Variants in ARHGAP5 observed in about 807,000 individuals in gnomAD.
ARHGAP5 encodes the protein Rho GTPase activating protein 5.
ARHGAP5 carries 23 observed loss-of-function variants against 116.6 expected under a neutral mutation model. The observed-to-expected ratio is 0.20, with a 90% CI of 0.14 to 0.28. ARHGAP5 has a LOEUF of 0.28. Among genes scored for constraint, ARHGAP5 ranks in the 10% least tolerant of loss-of-function variants. ARHGAP5 has a pLI of 1.00. For synonymous variants in ARHGAP5, 574 were observed against 602.0 expected, an observed-to-expected ratio of 0.95 and a Z score of 0.68; for missense variants, 1,405 against 1,774.8, an observed-to-expected ratio of 0.79 and a Z score of 3.74.
Position 32,154,988 on chromosome 14 carries a change from G to A in ARHGAP5, c.*40G>A, listed in dbSNP as rs75664073. On this transcript the variant is annotated 3_prime_UTR_variant, in exon 7 of 7. Transcript: ENST00000345122. The stretch of plus-strand genomic sequence containing the variant: ...CAAACAGGCTGGATTTGGACAAAAA[G>A]CAAATCTAGACATGCATGTTTCAGG... 5.1e-6 allele frequency: 8 copies of A among 1,555,456 alleles called. No individual in the cohort carries two copies. The highest frequency in any genetic ancestry group is 7.0e-6 in the Non-Finnish European group (8 of 1,138,430).
At position 32,130,106 on chromosome 14, in the gene ARHGAP5, A is replaced by AAT. The variant is rs915359199; in HGVS notation, c.3865+12830_3865+12831dup. Among the ~76,000 whole-genome samples the AAT allele has an allele frequency of 4.0e-5, 6 of 151,266 alleles. No individual in the cohort carries two copies. In the East Asian group the frequency reaches 5.8e-4, roughly 15 times the overall value. ...ATGTAATAAAATATATATGTAATAA[A>AAT]ATATATATATATGACCACATATCTT... On this transcript the variant is annotated intron_variant, in intron 3 of 6. Transcript: ENST00000345122.
At chr14:32,133,223 G>C (rs1344432626) in intron 3 of ARHGAP5, among the ~76,000 whole-genome samples, 2 of 152,132 alleles carry the variant, frequency 1.3e-5, no homozygotes, top group African/African-American at 4.8e-5. Flanking sequence ...CATGAGCATG[G>C]AATGTTCTTC....
chr14:32,098,562 G>A, intron 2 of ARHGAP5, among the ~76,000 whole-genome samples: 1 of 152,138 alleles, frequency 6.6e-6, no homozygotes. Context: ...TTCAGTCATT[G>A]ATCTAGGGCA....
At chr14:32,140,084 TAG>T (rs1259335062) in intron 3 of ARHGAP5, among the ~76,000 whole-genome samples, 56 of 109,794 alleles carry the variant, frequency 5.1e-4, no homozygotes, top group East Asian at 1.9e-3. Context: ...TTTTTTTTTT[TAG>T]GTTATTTGTT....
At chr14:32,118,765 T>C (rs1010509017) in intron 3 of ARHGAP5, among the ~76,000 whole-genome samples, 1 of 152,228 alleles carries the variant, frequency 6.6e-6, no homozygotes, top group Non-Finnish European at 1.5e-5. Context: ...TCTCATTTTC[T>C]CTAGTATTAT....
At chr14:32,102,638 A>G (rs1222249091) in intron 2 of ARHGAP5, among the ~76,000 whole-genome samples, 2 of 152,246 alleles carry the variant, frequency 1.3e-5, no homozygotes, top group East Asian at 3.8e-4. Flanking sequence ...GATAATTTCT[A>G]AGATAGGAAA....
intron 3 of ARHGAP5, among the ~76,000 whole-genome samples, chr14:32,145,856 C>G (rs943802590): frequency 6.6e-6 from 1 of 152,118 alleles, no homozygotes; most frequent in Non-Finnish European, 1.5e-5. Context: ...TTTATTCTTA[C>G]AAATATTTTA....
chr14:32,121,907 T>G (rs1879906079), intron 3 of ARHGAP5, among the ~76,000 whole-genome samples: 1 of 152,256 alleles, frequency 6.6e-6, no homozygotes, highest in Admixed American at 6.5e-5. Context: ...GTATCACCTA[T>G]CAGTACTTAA....
intron 3 of ARHGAP5, among the ~76,000 whole-genome samples, chr14:32,124,014 T>G (rs1880020461): frequency 6.6e-6 from 1 of 152,156 alleles, no homozygotes; most frequent in Non-Finnish European, 1.5e-5. Flanking sequence ...CTTCTGCATA[T>G]CCGATACTCT....
rs187939435 is a variant in ARHGAP5 at position 32,143,085 on chromosome 14, A to G, written c.3866-3178A>G. 2.9e-3 allele frequency among the ~76,000 whole-genome samples: 440 copies of G among 152,310 alleles called. 1 individual carries two copies. The highest frequency in any genetic ancestry group is 0.014 in the Middle Eastern group (4 of 294). The stretch of plus-strand genomic sequence containing the variant: ...TTTTTTATCTGTTAGCAACTCAAAT[A>G]AAACTTAGGCCATTCTAAAACTTCA... On this transcript the variant is annotated intron_variant, in intron 3 of 6. Transcript: ENST00000345122.
At chr14:32,146,865 C>G (rs1881402233) in intron 4 of ARHGAP5, among the ~76,000 whole-genome samples, 1 of 152,112 alleles carries the variant, frequency 6.6e-6, no homozygotes, top group Non-Finnish European at 1.5e-5. Flanking sequence ...TAACAAGAAA[C>G]TATCTCTTAC....
chr14:32,078,974 C>T (rs972666370), intron 1 of ARHGAP5, among the ~76,000 whole-genome samples: 1 of 152,108 alleles, frequency 6.6e-6, no homozygotes, highest in African/African-American at 2.4e-5. Context: ...AAATTCCTTT[C>T]TCATTTTTTG....
In ARHGAP5 at chr14:32,105,814, C is replaced by G. The variant is rs148380543; in HGVS notation, c.3718-11326C>G. Among the ~76,000 whole-genome samples the G allele has an allele frequency of 1.1e-3, 167 of 152,316 alleles. 3 individuals are homozygous for G. The highest frequency in any genetic ancestry group is 3.8e-3 in the African/African-American group (156 of 41,564). On this transcript the variant is annotated intron_variant, in intron 2 of 6. Coordinates refer to ENST00000345122, the MANE Select transcript of ARHGAP5 (RefSeq NM_001030055.2). The stretch of plus-strand genomic sequence containing the variant: ...TCCCTAACCACTGATAGCCACTACT[C>G]TGTTTTTCATTTCTATAATTTTGTC...
intron 1 of ARHGAP5, among the ~76,000 whole-genome samples, chr14:32,085,184 G>A (rs903564498): frequency 1.3e-5 from 2 of 152,062 alleles, no homozygotes; most frequent in South Asian, 2.1e-4. Context: ...GGTGGCTCAC[G>A]TCTGTAATAC....
chr14:32,144,525 C>T (rs867020538), intron 3 of ARHGAP5, among the ~76,000 whole-genome samples: 10 of 151,692 alleles, frequency 6.6e-5, no homozygotes, highest in Admixed American at 2.6e-4. Flanking sequence ...GCTCTGTCGC[C>T]GAGGCTGGAG....
In ARHGAP5 at chr14:32,155,937, A is replaced by C. The variant is rs1246575327; in HGVS notation, c.*989A>C. ...GACTTCAATTTAATTTGTTCCTTGAATCTATTTTTATGTGGCCCTTAAAAA... is the reference window on the plus strand; with the variant it reads ...GACTTCAATTTAATTTGTTCCTTGACTCTATTTTTATGTGGCCCTTAAAAA... On this transcript the variant is annotated 3_prime_UTR_variant, in exon 7 of 7. Coordinates refer to ENST00000345122, the MANE Select transcript of ARHGAP5 (RefSeq NM_001030055.2). 1 of 152,534 alleles carries C rather than the reference A, an allele frequency of 6.6e-6. No homozygotes were observed. The highest frequency in any genetic ancestry group is 1.5e-5 in the Non-Finnish European group (1 of 67,956). 9.4% of individuals were successfully genotyped at this position (152,534 alleles called of 1,614,324 possible).
intron 3 of ARHGAP5, among the ~76,000 whole-genome samples, chr14:32,138,571 A>G (rs1880933924): frequency 6.6e-6 from 1 of 152,250 alleles, no homozygotes; most frequent in South Asian, 2.1e-4. Context: ...GGCGTGAGCC[A>G]CTGCGCCTGG....
chr14:32,103,843 TG>T (rs1022594257), intron 2 of ARHGAP5, among the ~76,000 whole-genome samples: 1 of 152,188 alleles, frequency 6.6e-6, no homozygotes, highest in African/African-American at 2.4e-5. Flanking sequence ...ATAGGAGGGT[TG>T]CTTTTTAAAA....
Position 32,148,745 on chromosome 14 carries a change from G to A in ARHGAP5, c.3944-1157G>A, listed in dbSNP as rs1594397219. On this transcript the variant is annotated intron_variant, in intron 4 of 6. Coordinates refer to ENST00000345122, the MANE Select transcript of ARHGAP5 (RefSeq NM_001030055.2). ...CAATTTTTTTAATGAGCAGAGAAAGGCTGAAAGGAAACATGCTAAACTGTA... is the reference window on the plus strand; with the variant it reads ...CAATTTTTTTAATGAGCAGAGAAAGACTGAAAGGAAACATGCTAAACTGTA... 2.6e-5 allele frequency among the ~76,000 whole-genome samples: 4 copies of A among 152,214 alleles called. No homozygotes were observed. The South Asian group carries it at 8.3e-4, about 32-fold the overall frequency.
Sources: allele counts gnomAD v4.1 joint callset (sites outside exome capture counted in the v4.1 genomes callset), GRCh38; gene constraint gnomAD v4.1.1; transcripts MANE v1.5; gene names NCBI Gene and HGNC (gene_info 2026-07-23, HGNC 2026-07-21).